PTPN9: variants seen among roughly 807,000 people sequenced by gnomAD.
PTPN9 encodes the protein protein tyrosine phosphatase non-receptor type 9.
Under a neutral mutation model 69.8 loss-of-function variants are expected in PTPN9, and 26 were observed. That is an observed-to-expected ratio of 0.37 (90% CI 0.27 to 0.52). The LOEUF (loss-of-function observed/expected upper bound fraction) is 0.52, where lower values mean the gene tolerates loss of function less well. Ranked by LOEUF, PTPN9 falls within the 20% of genes least tolerant of loss-of-function variation. PTPN9 has a pLI of 0.91. For synonymous variants in PTPN9, 274 were observed against 272.5 expected, an observed-to-expected ratio of 1.01 and a Z score of -0.05; for missense variants, 549 against 740.3, an observed-to-expected ratio of 0.74 and a Z score of 3.00.
At chr15:75,501,975 T>A (rs982872397) in intron 7 of PTPN9, among the ~76,000 whole-genome samples, 1 of 151,808 alleles carries the variant, frequency 6.6e-6, no homozygotes, top group South Asian at 2.1e-4. Context: ...CTGGGCAACA[T>A]GCCAAAACCC....
chr15:75,505,677 G>C lies in PTPN9; in HGVS notation c.966C>G (p.Ser322=), dbSNP rs1201876838. 6.2e-7 allele frequency: 1 copy of C among 1,610,968 alleles called. No homozygotes were observed. The change falls in exon 7 of 13, where the codon TCC becomes TCG. Residue 322 remains serine, a splice_region_variant and synonymous_variant. Transcript: ENST00000618819. ...RENPVGTFHC[S]MSPGNLEKNR... The stretch of plus-strand genomic sequence containing the variant: ...TGGCCCAAACTTTTTCTACTTACAT[G>C]GAACAGTGGAAAGTGCCAACAGGGT...
intron 4 of PTPN9, 147 bp from the exon 5 acceptor site, chr15:75,517,511 G>T: frequency 1.7e-6 from 1 of 595,734 alleles, no homozygotes; most frequent in Non-Finnish European, 2.9e-6. Context: ...CTTACAAAAA[G>T]ATCTCTTATC....
chr15:75,530,627 ATAT>A (rs1327215670), intron 1 of PTPN9, among the ~76,000 whole-genome samples: 5 of 75,980 alleles, frequency 6.6e-5, no homozygotes, highest in East Asian at 7.1e-4. Context: ...ATATATTATT[ATAT>A]TATAATATAC....
intron 1 of PTPN9, 137 bp from the exon 2 acceptor site, chr15:75,527,398 A>G: frequency 2.2e-6 from 2 of 904,018 alleles, no homozygotes; most frequent in Non-Finnish European, 3.3e-6. Context: ...GGGAAAGACA[A>G]ACAAAAAGGT....
intron 4 of PTPN9, among the ~76,000 whole-genome samples, chr15:75,520,744 G>A (rs1412010372): frequency 6.6e-6 from 1 of 151,838 alleles, no homozygotes; most frequent in African/African-American, 2.4e-5. Context: ...TCAAACTCCC[G>A]ACCTCAGGAG....
chr15:75,512,289 T>C (rs1352977293), intron 5 of PTPN9, among the ~76,000 whole-genome samples: 1 of 151,772 alleles, frequency 6.6e-6, no homozygotes, highest in African/African-American at 2.4e-5. Context: ...TGCAGCCTCA[T>C]ATCCTGGGCT....
chr15:75,527,707 C>T (rs958722295), intron 1 of PTPN9, among the ~76,000 whole-genome samples: 1 of 151,900 alleles, frequency 6.6e-6, no homozygotes, highest in Non-Finnish European at 1.5e-5. Flanking sequence ...AAATACAAAA[C>T]TAGCCGGATG....
chr15:75,472,208 C>T (rs2074570728), intron 10 of PTPN9, among the ~76,000 whole-genome samples: 1 of 152,090 alleles, frequency 6.6e-6, no homozygotes, highest in African/African-American at 2.4e-5. Context: ...GCCTGTAATC[C>T]CAGCACTTTG....
In PTPN9 at chr15:75,469,109, G is replaced by A. The variant is rs1158841920; in HGVS notation, c.1568-126C>T. The A allele has an allele frequency of 5.9e-6, 5 of 844,848 alleles. No homozygotes were observed. In the East Asian group the frequency reaches 8.1e-5, roughly 14 times the overall value. 52.3% of individuals were successfully genotyped at this position (844,848 alleles called of 1,614,324 possible). On this transcript the variant is annotated intron_variant, in intron 12 of 12. Transcript: ENST00000618819. ...AGTGCCTCATGGCAGAAGGCCAGGT[G>A]GCCTTAGGCCTGAAAGGACTCAAGA...
chr15:75,554,277 T>G (rs1299942722), intron 1 of PTPN9, among the ~76,000 whole-genome samples: 1 of 151,178 alleles, frequency 6.6e-6, no homozygotes, highest in Non-Finnish European at 1.5e-5. Context: ...TCACCACAAC[T>G]TCTGCCTCCC....
At chr15:75,495,403 T>C (rs899992289) in intron 7 of PTPN9, among the ~76,000 whole-genome samples, 2 of 152,060 alleles carry the variant, frequency 1.3e-5, no homozygotes, top group African/African-American at 4.8e-5. Context: ...AAAATAAATC[T>C]GATTGGGCAT....
rs561352666 is a variant in PTPN9, at chr15:75,547,353, C to T, written c.64-20092G>A. Among the ~76,000 whole-genome samples the T allele has an allele frequency of 2.0e-3, 305 of 148,844 alleles. 2 individuals are homozygous for T. Among genetic ancestry groups the T allele is most frequent in the African/African-American group, 7.1e-3 (289 of 40,496 alleles). On this transcript the variant is annotated intron_variant, in intron 1 of 12. Transcript: ENST00000618819. The stretch of plus-strand genomic sequence containing the variant: ...GTGGCTCACACCGGTAATCCCAGCA[C>T]TTTGGGAGGCCAAGGCAGGTGGATC...
chr15:75,525,812 G>A lies in PTPN9; in HGVS notation c.207+1306C>T, dbSNP rs189056085. ...TGCATGCCTGTGGTCCCAGCTACTC[G>A]GGAGGCTAAGGTGAGGTGGGAGGAT... On this transcript the variant is annotated intron_variant, in intron 2 of 12. Coordinates refer to ENST00000618819, the MANE Select transcript of PTPN9 (RefSeq NM_002833.4). Among the ~76,000 whole-genome samples, 65 of 151,262 alleles carry A rather than the reference G, an allele frequency of 4.3e-4. No homozygotes were observed. In the East Asian group the frequency reaches 6.6e-3, roughly 15 times the overall value.
At chr15:75,532,303 G>A in intron 1 of PTPN9, among the ~76,000 whole-genome samples, 1 of 151,972 alleles carries the variant, frequency 6.6e-6, no homozygotes, top group East Asian at 1.9e-4. Context: ...GTGGGAGGCT[G>A]AGGCAGTAGA....
chr15:75,527,706 A>C (rs1426951421), intron 1 of PTPN9, among the ~76,000 whole-genome samples: 4 of 152,162 alleles, frequency 2.6e-5, no homozygotes, highest in African/African-American at 9.6e-5. Flanking sequence ...AAAATACAAA[A>C]CTAGCCGGAT....
chr15:75,531,838 C>A (rs1352224523), intron 1 of PTPN9, among the ~76,000 whole-genome samples: 1 of 151,758 alleles, frequency 6.6e-6, no homozygotes, highest in Admixed American at 6.6e-5. Flanking sequence ...GGATTACAGG[C>A]GTGAGCCACC....
At chr15:75,486,189 G>C (rs2074676230) in intron 8 of PTPN9, among the ~76,000 whole-genome samples, 1 of 151,940 alleles carries the variant, frequency 6.6e-6, no homozygotes, top group Non-Finnish European at 1.5e-5. Flanking sequence ...AACAAACCCG[G>C]AACACTATGT....
intron 2 of PTPN9, 41 bp from the exon 3 acceptor site, chr15:75,524,339 C>T (rs764362069): frequency 7.6e-7 from 1 of 1,309,546 alleles, no homozygotes; most frequent in Middle Eastern, 2.0e-4. Flanking sequence ...TATGAAAATA[C>T]TGTATATCCA....
intron 1 of PTPN9, among the ~76,000 whole-genome samples, chr15:75,576,667 G>A (rs979513624): frequency 2.0e-5 from 3 of 151,784 alleles, no homozygotes; most frequent in Non-Finnish European, 4.4e-5. Flanking sequence ...AATTAGCTGG[G>A]CATGGTGGCA....
Sources: allele counts gnomAD v4.1 joint callset (sites outside exome capture counted in the v4.1 genomes callset), GRCh38; gene constraint gnomAD v4.1.1; transcripts MANE v1.5; gene names NCBI Gene and HGNC (gene_info 2026-07-23, HGNC 2026-07-21).